Variants in BCAT2 observed in about 807,000 individuals in gnomAD.
BCAT2 encodes the protein branched-chain-amino-acid aminotransferase, mitochondrial.
In BCAT2, 44 loss-of-function variants were observed where a neutral mutation model predicts 52.9. The observed-to-expected ratio is 0.83, with a 90% CI of 0.65 to 1.07. BCAT2 has a LOEUF of 1.07. BCAT2 is among the 50% of genes least tolerant of loss of function. BCAT2 has a pLI of 0.00. For missense variants in BCAT2, 478 were observed against 521.8 expected, an observed-to-expected ratio of 0.92 and a Z score of 0.82; for synonymous variants, 215 against 217.1, an observed-to-expected ratio of 0.99 and a Z score of 0.08.
chr19:48,800,297 G>T lies in BCAT2; in HGVS notation c.301C>A (p.Leu101Met). 1 of 1,613,286 alleles carries T rather than the reference G, an allele frequency of 6.2e-7. No homozygotes were observed. Among genetic ancestry groups the T allele is most frequent in the South Asian group, 1.1e-5 (1 of 91,084 alleles). ...TTGAACGCCTTCATGCCCTCAAACAGCTGCGGGGACACGCGGGTGGGGAGG... is the reference window on the plus strand; with the variant it reads ...TTGAACGCCTTCATGCCCTCAAACATCTGCGGGGACACGCGGGTGGGGAGG... ...ASSSLHYSLQ[L>M]FEGMKAFKGK... Residue 101 changes from leucine to methionine, a missense_variant and splice_region_variant, in exon 4 of 11, where the codon CTG (leucine) becomes ATG (methionine). Transcript: ENST00000316273.
At chr19:48,810,756 C>A in intron 1 of BCAT2, 5 of 1,015,096 alleles carry the variant, frequency 4.9e-6, no homozygotes, top group Non-Finnish European at 6.3e-6. Flanking sequence ...TTTTTTTTAC[C>A]TCCCCGCCAA....
chr19:48,797,083 G>C, intron 7 of BCAT2, 61 bp from the exon 8 acceptor site: 2 of 1,610,544 alleles, frequency 1.2e-6, no homozygotes, highest in Non-Finnish European at 8.5e-7. Context: ...GCCGTCTTAA[G>C]AGCCACCCCC....
chr19:48,803,918 G>C (rs2034708450), intron 3 of BCAT2, among the ~76,000 whole-genome samples: 1 of 152,232 alleles, frequency 6.6e-6, no homozygotes. Context: ...CCAGCCCTTT[G>C]GGAGGATGAG....
intron 10 of BCAT2, chr19:48,796,119 A>G: frequency 2.0e-6 from 1 of 493,970 alleles, no homozygotes; most frequent in Middle Eastern, 2.9e-4. Context: ...GGGGCCTCAG[A>G]GGCCCACGGA....
chr19:48,808,257 C>A (rs990183976), intron 1 of BCAT2: 2 of 985,392 alleles, frequency 2.0e-6, no homozygotes, highest in African/African-American at 3.5e-5. Context: ...GGATAGGACA[C>A]CCACAGTATG....
intron 1 of BCAT2, chr19:48,810,783 A>C (rs1599815867): frequency 1.4e-5 from 17 of 1,219,208 alleles, no homozygotes; most frequent in South Asian, 4.6e-5. Flanking sequence ...GCCCCACCTC[A>C]TCCGCGTCTA....
At position 48,806,686 on chromosome 19, in the gene BCAT2, T is replaced by G. The variant is rs749980206; in HGVS notation, c.131A>C (p.Lys44Thr). ...GCCGGGGCCAGGCTTCTTATGAGGCTTCTGTGTCATTTCCAGCTGCAGGTC... is the reference window on the plus strand; with the variant it reads ...GCCGGGGCCAGGCTTCTTATGAGGCGTCTGTGTCATTTCCAGCTGCAGGTC... ...AADLQLEMTQ[K>T]PHKKPGPGEP... The change falls in exon 3 of 11, where the codon AAG (lysine) becomes ACG (threonine). Residue 44 changes from lysine (K) to threonine (T), a missense_variant. Coordinates refer to ENST00000316273, the MANE Select transcript of BCAT2 (RefSeq NM_001190.4). The G allele has an allele frequency of 1.2e-6, 2 of 1,613,788 alleles. No homozygotes were observed. Among genetic ancestry groups the G allele is most frequent in the Non-Finnish European group, 1.7e-6 (2 of 1,180,038 alleles).
rs946801364 is a variant in BCAT2, at chr19:48,807,207, G to A, written c.25-133C>T. ...GTCCCAGTTTCAGTCCATTCTAGAC[G>A]GGGCAGGTGGTCCTGAAGGAGGCCA... On this transcript the variant is annotated intron_variant, in intron 1 of 10. Transcript: ENST00000316273. This position sits in a 1 kb window ranked among gnomAD's most constrained non-coding sequence, Gnocchi z 4.6. 23 of 748,400 alleles carry A rather than the reference G, an allele frequency of 3.1e-5. No individual in the cohort carries two copies. The highest frequency in any genetic ancestry group is 3.0e-4 in the Admixed American group (10 of 33,862). 46.4% of individuals were successfully genotyped at this position (748,400 alleles called of 1,614,324 possible).
At chr19:48,800,959 G>A (rs185610518) in intron 3 of BCAT2, among the ~76,000 whole-genome samples, 140 of 142,776 alleles carry the variant, frequency 9.8e-4, no homozygotes, top group Middle Eastern at 3.4e-3. Flanking sequence ...GGTAGGCAGC[G>A]CTTGGCACAG....
intron 3 of BCAT2, among the ~76,000 whole-genome samples, chr19:48,801,866 A>G (rs2034664967): frequency 6.6e-6 from 1 of 150,992 alleles, no homozygotes; most frequent in African/African-American, 2.4e-5. Context: ...TGAACTCCTG[A>G]CCTCAGGTGA....
At chr19:48,798,399 G>T (rs2034579719) in intron 6 of BCAT2, among the ~76,000 whole-genome samples, 1 of 152,174 alleles carries the variant, frequency 6.6e-6, no homozygotes, top group Non-Finnish European at 1.5e-5. Flanking sequence ...CAAGACCCTA[G>T]CCTCCTTCCG....
intron 10 of BCAT2, 79 bp downstream of exon 10, chr19:48,796,349 G>A: frequency 1.3e-6 from 2 of 1,544,370 alleles, no homozygotes; most frequent in Non-Finnish European, 1.8e-6. Context: ...GAGGCTGGCT[G>A]TTAGTCCAGG....
At chr19:48,800,760 G>T (rs867221270) in intron 3 of BCAT2, among the ~76,000 whole-genome samples, 11 of 152,054 alleles carry the variant, frequency 7.2e-5, no homozygotes, top group African/African-American at 2.4e-4. Context: ...AGTGAGCCAC[G>T]ATCATGCCAC....
chr19:48,796,893 C>A, intron 8 of BCAT2, 44 bp downstream of exon 8: 1 of 1,609,388 alleles, frequency 6.2e-7, no homozygotes, highest in Non-Finnish European at 8.5e-7. Flanking sequence ...ATGCCCTGGC[C>A]CCTGGCACAT....
At chr19:48,804,674 C>T (rs2034726178) in intron 3 of BCAT2, among the ~76,000 whole-genome samples, 1 of 152,196 alleles carries the variant, frequency 6.6e-6, no homozygotes, top group Admixed American at 6.6e-5. Context: ...CTTCCGCCCC[C>T]TGGACCCGCG....
chr19:48,807,558 G>A lies in BCAT2; in HGVS notation c.25-484C>T, dbSNP rs1218934796. On this transcript the variant is annotated intron_variant, in intron 1 of 10. Coordinates refer to ENST00000316273, the MANE Select transcript of BCAT2 (RefSeq NM_001190.4). The surrounding 1 kb of genome is among the most constrained non-coding windows in gnomAD (Gnocchi z 4.6). ...TCTAGCTGCCTCCTCCCTCAGACCC[G>A]AAGTCTGGGCCCCCAGCCCCTCCTC... 3 of 295,256 alleles carry A rather than the reference G, an allele frequency of 1.0e-5. No individual in the cohort carries two copies. Among genetic ancestry groups the A allele is most frequent in the Non-Finnish European group, 1.0e-5 (2 of 198,142 alleles). The allele number at this position is 295,256 out of a possible 1,614,324, so 18.3% of individuals were successfully genotyped here.
rs914411961 is a variant in BCAT2, at chr19:48,797,812, T to C, written c.696-479A>G. On this transcript the variant is annotated intron_variant, in intron 6 of 10. Coordinates refer to ENST00000316273, the MANE Select transcript of BCAT2 (RefSeq NM_001190.4). Reference sequence around the variant, plus strand: ...CAAAACCATTTCTTTTTTTCTTTTTTTCTTTTTTTTTTTTTTGAGACAGAG... The same window carrying C: ...CAAAACCATTTCTTTTTTTCTTTTTCTCTTTTTTTTTTTTTTGAGACAGAG... Among the ~76,000 whole-genome samples, 70 of 144,030 alleles carry C rather than the reference T, an allele frequency of 4.9e-4. No individual in the cohort carries two copies. The Admixed American group carries it at 4.9e-3, about 10-fold the overall frequency. The allele number at this position is 144,030 out of a possible 152,430, so 94.5% of individuals were successfully genotyped here. A position where few individuals can be genotyped will look rare whatever the true frequency, so the allele number is the denominator to read the frequency against.
Position 48,807,169 on chromosome 19 carries a change from G to T in BCAT2, c.25-95C>A. On this transcript the variant is annotated intron_variant, in intron 1 of 10. Transcript: ENST00000316273. The surrounding 1 kb of genome is among the most constrained non-coding windows in gnomAD (Gnocchi z 4.6). Reference sequence around the variant, plus strand: ...CCTCCTGCACTTGGAGGTCCCACTGGCCTGCCTGTTCTGTCCCAGTTTCAG... The same window carrying T: ...CCTCCTGCACTTGGAGGTCCCACTGTCCTGCCTGTTCTGTCCCAGTTTCAG... 9.4e-7 allele frequency: 1 copy of T among 1,061,656 alleles called. No homozygotes were observed. Among genetic ancestry groups the T allele is most frequent in the Non-Finnish European group, 1.4e-6 (1 of 721,180 alleles). 65.8% of individuals were successfully genotyped at this position (1,061,656 alleles called of 1,614,324 possible).
rs780225241 is a variant in BCAT2 at position 48,807,015 on chromosome 19, G to C, written c.84C>G (p.Ala28=). ...CTCCTTTCACCTTGAAACTGGAGGA[G>C]GCATATCTTCTGGGACCACACAGAA... ...PWLLCGPRRY[A]SSSFKAADLQ... The change falls in exon 2 of 11, where the codon GCC becomes GCG. Residue 28 remains alanine (A), a synonymous_variant. Transcript: ENST00000316273. This position sits in a 1 kb window ranked among gnomAD's most constrained non-coding sequence, Gnocchi z 4.6. The C allele has an allele frequency of 6.2e-7, 1 of 1,613,978 alleles. No homozygotes were observed. The highest frequency in any genetic ancestry group is 2.2e-5 in the East Asian group (1 of 44,868).
Sources: allele counts gnomAD v4.1 joint callset (sites outside exome capture counted in the v4.1 genomes callset), GRCh38; gene constraint gnomAD v4.1.1; non-coding constraint Gnocchi (gnomAD v3.1); transcripts MANE v1.5; gene names NCBI Gene and HGNC (gene_info 2026-07-23, HGNC 2026-07-21).